The following CCDC170 variants were observed in gnomAD, a reference collection of about 807,000 sequenced individuals.
CCDC170 encodes coiled-coil domain-containing protein 170.
A neutral mutation model predicts 72.6 loss-of-function variants in CCDC170; 69 were observed. The ratio of observed to expected loss-of-function variants is 0.95; its 90% CI spans 0.78 to 1.16. The LOEUF is 1.16. CCDC170 is among the 50% of genes most tolerant of loss of function. CCDC170 has a pLI of 0.00. For synonymous variants in CCDC170, 300 were observed against 303.9 expected, an observed-to-expected ratio of 0.99 and a Z score of 0.13; for missense variants, 852 against 832.5, an observed-to-expected ratio of 1.02 and a Z score of -0.29.
intron 1 of CCDC170, among the ~76,000 whole-genome samples, chr6:151,503,915 C>A (rs1002087582): frequency 1.3e-5 from 2 of 151,668 alleles, no homozygotes; most frequent in Non-Finnish European, 2.9e-5. Context: ...TGCCAGAAGA[C>A]AAAAAAAGGC....
intron 1 of CCDC170, among the ~76,000 whole-genome samples, chr6:151,519,247 G>C (rs1782282614): frequency 6.6e-6 from 1 of 151,938 alleles, no homozygotes; most frequent in Non-Finnish European, 1.5e-5. Context: ...CCTTCCCCAG[G>C]GTATTAATTA....
At chr6:151,606,396 A>G (rs1404086988) in intron 9 of CCDC170, among the ~76,000 whole-genome samples, 2 of 152,072 alleles carry the variant, frequency 1.3e-5, no homozygotes, top group African/African-American at 4.8e-5. Context: ...ATTCAGGTGC[A>G]TGTTGTTTAA....
At chr6:151,554,479 C>A (rs1388172350) in intron 5 of CCDC170, among the ~76,000 whole-genome samples, 1 of 152,122 alleles carries the variant, frequency 6.6e-6, no homozygotes, top group Non-Finnish European at 1.5e-5. Flanking sequence ...AATCCTAGCA[C>A]TTTGGGAGGC....
chr6:151,620,204 A>AGAAG lies in CCDC170; in HGVS notation c.*2057_*2058insGAAG, dbSNP rs1484660506. On this transcript the variant is annotated 3_prime_UTR_variant, in exon 11 of 11. Coordinates refer to ENST00000239374, the MANE Select transcript of CCDC170 (RefSeq NM_025059.4). ...TGGATGATTCCAAAAAAAAAAAAAA[A>AGAAG]AAGAAGAAAGAGAGAAAGAAAGAAA... is the stretch of plus-strand genomic sequence containing the variant. 1 of 149,670 alleles carries AGAAG rather than the reference A, an allele frequency of 6.7e-6. No individual in the cohort carries two copies. The highest frequency in any genetic ancestry group is 2.0e-4 in the East Asian group (1 of 4,964). The allele number at this position is 149,670 out of a possible 1,614,324, so 9.3% of individuals were successfully genotyped here.
At chr6:151,593,056 T>C (rs3757319) in intron 7 of CCDC170, 51 bp from the exon 8 acceptor site, 108,834 of 1,564,684 alleles carry the variant, frequency 0.07, 4,249 homozygotes, top group African/African-American at 0.12. Context: ...GTGAGATCAC[T>C]CATTAACTTT....
intron 9 of CCDC170, among the ~76,000 whole-genome samples, chr6:151,612,765 G>C (rs1235573978): frequency 6.6e-6 from 1 of 151,556 alleles, no homozygotes; most frequent in Admixed American, 6.6e-5. Flanking sequence ...GGGATGGGAG[G>C]GAAGGAAGAA....
chr6:151,581,615 A>G (rs992999306), intron 6 of CCDC170, among the ~76,000 whole-genome samples: 3 of 152,236 alleles, frequency 2.0e-5, no homozygotes, highest in Non-Finnish European at 4.4e-5. Context: ...CCTTAATGGT[A>G]TCAAGAGTAG....
chr6:151,582,986 C>CTTTTTTTTT (rs35947074), intron 6 of CCDC170, among the ~76,000 whole-genome samples: 3 of 94,234 alleles, frequency 3.2e-5, no homozygotes, highest in African/African-American at 4.9e-5. Context: ...TGGAGTAGCA[C>CTTTTTTTTT]TTTTTTTTTT....
Position 151,618,172 on chromosome 6 carries a change from G to T in CCDC170, c.*25G>T. 6.3e-7 allele frequency: 1 copy of T among 1,585,482 alleles called. No individual in the cohort carries two copies. Among genetic ancestry groups the T allele is most frequent in the Non-Finnish European group, 8.6e-7 (1 of 1,157,402 alleles). ...AACACTGTATCTCTTGAGAGAGGTG[G>T]CCATAAGACATGGCACACAATTCCC... is the stretch of plus-strand genomic sequence containing the variant. On this transcript the variant is annotated 3_prime_UTR_variant, in exon 11 of 11. Coordinates refer to ENST00000239374, the MANE Select transcript of CCDC170 (RefSeq NM_025059.4).
intron 1 of CCDC170, among the ~76,000 whole-genome samples, chr6:151,526,107 C>CCCTCCTTCCATT (rs1562271412): frequency 1.4e-3 from 214 of 151,410 alleles, no homozygotes; most frequent in African/African-American, 4.3e-3. Context: ...TTCCTTCCTT[C>CCCTCCTTCCATT]CTTCCTTCCT....
intron 1 of CCDC170, among the ~76,000 whole-genome samples, chr6:151,505,413 G>A (rs931806012): frequency 2.0e-5 from 3 of 152,134 alleles, no homozygotes; most frequent in African/African-American, 7.2e-5. Context: ...ACTGGGCGTG[G>A]TGGCTCATGC....
rs1169250636 is a variant in CCDC170, at chr6:151,618,399, G to A, written c.*252G>A. ...GAATTCCACCAGATTGCATGAGTTA[G>A]ATTGGGAAATGGGAGTGGGAGATAA... On this transcript the variant is annotated 3_prime_UTR_variant, in exon 11 of 11. Coordinates refer to ENST00000239374, the MANE Select transcript of CCDC170 (RefSeq NM_025059.4). The A allele has an allele frequency of 2.1e-5, 10 of 480,302 alleles. No homozygotes were observed. The highest frequency in any genetic ancestry group is 3.9e-5 in the African/African-American group (2 of 51,608). The allele number at this position is 480,302 out of a possible 1,614,324, so 29.8% of individuals were successfully genotyped here. A position where few individuals can be genotyped will look rare whatever the true frequency, so the allele number is the denominator to read the frequency against.
At chr6:151,595,456 T>A (rs1421237733) in intron 8 of CCDC170, among the ~76,000 whole-genome samples, 2 of 152,170 alleles carry the variant, frequency 1.3e-5, no homozygotes, top group Non-Finnish European at 2.9e-5. Context: ...AGATTTTATA[T>A]GTATAAGCAA....
intron 1 of CCDC170, among the ~76,000 whole-genome samples, chr6:151,519,385 G>T (rs866304707): frequency 6.6e-6 from 1 of 152,152 alleles, no homozygotes; most frequent in Non-Finnish European, 1.5e-5. Context: ...AGACCCTATG[G>T]TTGTCTTCCC....
Position 151,616,861 on chromosome 6 carries a change from C to T in CCDC170, c.1948-1086C>T, listed in dbSNP as rs576174611. Among the ~76,000 whole-genome samples the T allele has an allele frequency of 2.0e-4, 30 of 152,204 alleles. 1 individual carries two copies. In the South Asian group the frequency reaches 6.0e-3, roughly 31 times the overall value. ...CTCTCCGGGGCCTCTTTTATAAGGGCACTAATCTTATTCATGAGGGCTCCA... is the reference window on the plus strand; with the variant it reads ...CTCTCCGGGGCCTCTTTTATAAGGGTACTAATCTTATTCATGAGGGCTCCA... On this transcript the variant is annotated intron_variant, in intron 10 of 10. Transcript: ENST00000239374.
intron 9 of CCDC170, among the ~76,000 whole-genome samples, chr6:151,613,594 G>A (rs1251528691): frequency 2.6e-5 from 4 of 152,154 alleles, no homozygotes; most frequent in Non-Finnish European, 4.4e-5. Flanking sequence ...AATAGAATAT[G>A]TGTTTTTTTG....
In CCDC170 at chr6:151,596,315, C is replaced by A; in HGVS notation, c.1468-20C>A. ...ATTGTTCAATTATTAAAAAAAAAAT[C>A]CCTGTTTGCATCAAACCAGCTAAAG... is the stretch of plus-strand genomic sequence containing the variant. On this transcript the variant is annotated intron_variant, in intron 8 of 10. Coordinates refer to ENST00000239374, the MANE Select transcript of CCDC170 (RefSeq NM_025059.4). 6.4e-7 allele frequency: 1 copy of A among 1,572,914 alleles called. No individual in the cohort carries two copies. The highest frequency in any genetic ancestry group is 1.2e-5 in the South Asian group (1 of 84,214).
At chr6:151,516,449 T>C (rs1336373370) in intron 1 of CCDC170, among the ~76,000 whole-genome samples, 1 of 152,174 alleles carries the variant, frequency 6.6e-6, no homozygotes, top group Non-Finnish European at 1.5e-5. Flanking sequence ...TTTCTTGTCA[T>C]GAATGGGTGT....
chr6:151,605,768 C>G (rs1347125446), intron 9 of CCDC170, among the ~76,000 whole-genome samples: 1 of 151,990 alleles, frequency 6.6e-6, no homozygotes, highest in African/African-American at 2.4e-5. Flanking sequence ...CTCTCTGGCT[C>G]CAGGAACTGT....
Sources: gnomAD v4.1 joint callset for allele counts (sites outside exome capture counted in the v4.1 genomes callset) on GRCh38, gnomAD v4.1.1 for gene constraint, MANE v1.5 for transcripts, NCBI Gene and HGNC (gene_info 2026-07-23, HGNC 2026-07-21) for gene names.